CSMD1: variants seen among roughly 807,000 people sequenced by gnomAD.
The protein encoded by CSMD1 is CUB and Sushi multiple domains 1.
In CSMD1, 213 loss-of-function variants were observed where a neutral mutation model predicts 417.5. The ratio of observed to expected loss-of-function variants is 0.51; its 90% CI spans 0.46 to 0.57. The LOEUF (loss-of-function observed/expected upper bound fraction) is 0.57. Among genes scored for constraint, CSMD1 ranks in the 20% least tolerant of loss-of-function variants. The pLI is 0.00. For synonymous variants in CSMD1, 2,862 were observed against 1,736.8 expected, an observed-to-expected ratio of 1.65 and a Z score of -16.11; for missense variants, 6,923 against 4,529.7, an observed-to-expected ratio of 1.53 and a Z score of -15.17.
intron 12 of CSMD1, among the ~76,000 whole-genome samples, chr8:3,466,405 T>C (rs1176406608): frequency 6.7e-6 from 1 of 148,744 alleles, no homozygotes; most frequent in Admixed American, 6.7e-5. Context: ...ATATATTTTC[T>C]GATAATTTTT....
In CSMD1 at chr8:4,199,840, A is replaced by T. The variant is rs553379789; in HGVS notation, c.416-167741T>A. ...GTTTCCACTAGATAACAGCAGCAACAAAACTCTTCCTTTACAAGGGCTTAC... is the reference window on the plus strand; with the variant it reads ...GTTTCCACTAGATAACAGCAGCAACTAAACTCTTCCTTTACAAGGGCTTAC... On this transcript the variant is annotated intron_variant, in intron 3 of 69. Transcript: ENST00000635120. Among the ~76,000 whole-genome samples, 102 of 152,310 alleles carry T rather than the reference A, an allele frequency of 6.7e-4. 1 individual carries two copies. The highest frequency in any genetic ancestry group is 1.2e-3 in the Admixed American group (18 of 15,302).
At chr8:3,293,462 C>A (rs143409546) in intron 25 of CSMD1, among the ~76,000 whole-genome samples, 1 of 152,200 alleles carries the variant, frequency 6.6e-6, no homozygotes, top group African/African-American at 2.4e-5. Context: ...TTTAGGTACA[C>A]CAATCAGACG....
At chr8:3,565,008 A>AAGGTCGGTGC (rs59375270) in intron 10 of CSMD1, among the ~76,000 whole-genome samples, 1 of 150,822 alleles carries the variant, frequency 6.6e-6, no homozygotes, top group African/African-American at 2.4e-5. Context: ...AGGTGATGGG[A>AAGGTCGGTGC]AGCAAAGCAC....
In CSMD1 at chr8:4,096,321, A is replaced by C. The variant is rs895125350; in HGVS notation, c.416-64222T>G. ...GGATCACCACATTTGTCTGCAGAGG[A>C]AACAACCCAGAAATAGGACAGCTTG... On this transcript the variant is annotated intron_variant, in intron 3 of 69. Coordinates refer to ENST00000635120, the MANE Select transcript of CSMD1 (RefSeq NM_033225.6). 2.0e-5 allele frequency among the ~76,000 whole-genome samples: 3 copies of C among 152,128 alleles called. No individual in the cohort carries two copies. The South Asian group carries it at 6.2e-4, about 32-fold the overall frequency.
chr8:3,723,990 C>G (rs1034868125), intron 6 of CSMD1, among the ~76,000 whole-genome samples: 2 of 113,536 alleles, frequency 1.8e-5, no homozygotes, highest in African/African-American at 5.0e-5. Flanking sequence ...AAAATGTCCA[C>G]TATTATCTAA....
intron 1 of CSMD1, among the ~76,000 whole-genome samples, chr8:4,705,514 G>A (rs891993181): frequency 1.3e-4 from 20 of 152,086 alleles, no homozygotes; most frequent in Non-Finnish European, 2.1e-4. Flanking sequence ...AAGGAAACGC[G>A]CACAGCCTTT....
chr8:3,355,289 T>G (rs975502291), intron 21 of CSMD1, among the ~76,000 whole-genome samples: 4 of 152,180 alleles, frequency 2.6e-5, no homozygotes, highest in African/African-American at 2.4e-5. Context: ...TTTGTTCAAA[T>G]AATTCTGAAA....
At chr8:3,801,913 AG>A (rs1800478879) in intron 5 of CSMD1, among the ~76,000 whole-genome samples, 1 of 152,106 alleles carries the variant, frequency 6.6e-6, no homozygotes, top group Non-Finnish European at 1.5e-5. Context: ...CCCAATGCCT[AG>A]GGTATAGGGT....
intron 3 of CSMD1, among the ~76,000 whole-genome samples, chr8:4,217,373 G>C (rs899674248): frequency 3.9e-5 from 6 of 152,204 alleles, no homozygotes; most frequent in Non-Finnish European, 5.9e-5. Context: ...CTAATATTAG[G>C]GAACTTCATT....
intron 46 of CSMD1, among the ~76,000 whole-genome samples, chr8:3,097,379 G>C (rs1295262185): frequency 6.6e-6 from 1 of 152,160 alleles, no homozygotes; most frequent in Non-Finnish European, 1.5e-5. Context: ...CATTTCAAAA[G>C]AGTATTACAG....
At chr8:3,567,604 A>C (rs13271433) in intron 10 of CSMD1, among the ~76,000 whole-genome samples, 16 of 151,370 alleles carry the variant, frequency 1.1e-4, no homozygotes, top group African/African-American at 3.9e-4. Flanking sequence ...AGAAAGAAAA[A>C]GCCTATAATA....
chr8:3,159,398 T>C (rs865822719), intron 38 of CSMD1, among the ~76,000 whole-genome samples: 1 of 152,150 alleles, frequency 6.6e-6, no homozygotes, highest in Non-Finnish European at 1.5e-5. Flanking sequence ...TTAAAACAAG[T>C]TGAGAGAAGA....
intron 7 of CSMD1, among the ~76,000 whole-genome samples, chr8:3,661,613 C>T (rs1268695693): frequency 2.0e-5 from 3 of 152,142 alleles, no homozygotes; most frequent in Non-Finnish European, 4.4e-5. Context: ...TCTCCCGCCT[C>T]AGCCTCCCAA....
chr8:3,599,147 G>GTC (rs571385174), intron 8 of CSMD1, among the ~76,000 whole-genome samples: 4,619 of 137,108 alleles, frequency 0.034, 238 homozygotes, highest in African/African-American at 0.12. Flanking sequence ...GTGTGTGTGT[G>GTC]TGTCTGTGTG....
chr8:4,359,918 C>G (rs1295066655), intron 3 of CSMD1, among the ~76,000 whole-genome samples: 1 of 152,190 alleles, frequency 6.6e-6, no homozygotes, highest in African/African-American at 2.4e-5. Context: ...TTTAAAACAT[C>G]AACGTTCAGT....
At chr8:3,492,789 G>A (rs1009426659) in intron 11 of CSMD1, among the ~76,000 whole-genome samples, 5 of 152,068 alleles carry the variant, frequency 3.3e-5, no homozygotes, top group Non-Finnish European at 7.4e-5. Flanking sequence ...CTAAGACTCT[G>A]GAATCAGAGT....
intron 2 of CSMD1, among the ~76,000 whole-genome samples, chr8:4,423,997 G>T (rs1287604438): frequency 1.3e-5 from 2 of 151,880 alleles, no homozygotes; most frequent in Non-Finnish European, 2.9e-5. Context: ...GGATCAATTG[G>T]ATGTCCATAG....
At chr8:4,091,728 G>A (rs1232548900) in intron 3 of CSMD1, among the ~76,000 whole-genome samples, 1 of 152,210 alleles carries the variant, frequency 6.6e-6, no homozygotes, top group East Asian at 1.9e-4. Context: ...CTCGCTTGGT[G>A]TGCTGGTGTG....
chr8:3,011,687 A>C (rs1439991087), intron 52 of CSMD1, among the ~76,000 whole-genome samples: 1 of 152,232 alleles, frequency 6.6e-6, no homozygotes, highest in African/African-American at 2.4e-5. Context: ...AGCTACCACT[A>C]ATATCTTGAA....
Sources: gnomAD v4.1 joint callset for allele counts (sites outside exome capture counted in the v4.1 genomes callset) on GRCh38, gnomAD v4.1.1 for gene constraint, MANE v1.5 for transcripts, NCBI Gene and HGNC (gene_info 2026-07-23, HGNC 2026-07-21) for gene names.